BBS9: variants seen among roughly 807,000 people sequenced by gnomAD.
BBS9 encodes the protein protein PTHB1.
A neutral mutation model predicts 117.7 loss-of-function variants in BBS9; 89 were observed. The observed-to-expected ratio is 0.76, with a 90% confidence interval of 0.64 to 0.90. The LOEUF is 0.90. Ranked by LOEUF, BBS9 falls within the 40% of genes least tolerant of loss-of-function variation. BBS9 has a pLI of 0.00. For missense variants in BBS9, 982 were observed against 1,042.2 expected (o/e 0.94, Z 0.80); for synonymous variants, 379 against 370.9 (o/e 1.02, Z -0.25).
chr7:33,133,737 T>G (rs757071854), intron 1 of BBS9, among the ~76,000 whole-genome samples: 2 of 152,228 alleles, frequency 1.3e-5, no homozygotes, highest in African/African-American at 4.8e-5. Context: ...ATTTTAGATA[T>G]TATGAATAAT....
At chr7:33,328,851 A>C (rs17170187) in intron 9 of BBS9, among the ~76,000 whole-genome samples, 2 of 151,904 alleles carry the variant, frequency 1.3e-5, no homozygotes, top group Non-Finnish European at 2.9e-5. Flanking sequence ...CATTTTATAG[A>C]TTGGCTTTGT....
At chr7:33,273,717 A>G (rs900274827) in intron 8 of BBS9, 110 bp from the exon 9 acceptor site, 4 of 976,138 alleles carry the variant, frequency 4.1e-6, no homozygotes, top group African/African-American at 1.6e-5. Context: ...ATCTTTATGT[A>G]TTAAAATCCA....
chr7:33,461,599 A>G (rs1419920), intron 19 of BBS9, among the ~76,000 whole-genome samples: 33,861 of 151,800 alleles, frequency 0.22, 5,076 homozygotes, highest in African/African-American at 0.43. Flanking sequence ...TCCCTAAGAT[A>G]GCAGAAGTCA....
At chr7:33,506,866 C>T (rs1846218804) in intron 20 of BBS9, among the ~76,000 whole-genome samples, 1 of 152,176 alleles carries the variant, frequency 6.6e-6, no homozygotes, top group African/African-American at 2.4e-5. Context: ...CTTTGAGAAA[C>T]TAGAAATGGA....
chr7:33,350,358 A>C (rs1481245064), intron 13 of BBS9, among the ~76,000 whole-genome samples: 1 of 119,218 alleles, frequency 8.4e-6, no homozygotes, highest in Non-Finnish European at 1.9e-5. Context: ...CCAGCCATTG[A>C]ACTTTTGCTT....
chr7:33,383,595 G>A (rs1321083603), intron 17 of BBS9, 71 bp from the exon 18 acceptor site: 16 of 1,333,324 alleles, frequency 1.2e-5, no homozygotes, highest in Non-Finnish European at 1.6e-5. Flanking sequence ...GTCAGGATTA[G>A]TGATAGTTCA....
intron 19 of BBS9, among the ~76,000 whole-genome samples, chr7:33,389,714 A>T (rs1183300698): frequency 7.5e-6 from 1 of 133,710 alleles, no homozygotes; most frequent in African/African-American, 2.7e-5. Flanking sequence ...AAAAAAAAAA[A>T]ATTCATGGTT....
chr7:33,596,393 A>ATCTATCTATCTATC (rs768230309), intron 21 of BBS9, among the ~76,000 whole-genome samples: 1 of 150,662 alleles, frequency 6.6e-6, no homozygotes, highest in South Asian at 2.1e-4. Context: ...CTATCTATCT[A>ATCTATCTATCTATC]TATATAATTA....
At chr7:33,633,833 G>T (rs1585515390) in intron 21 of BBS9, among the ~76,000 whole-genome samples, 1 of 152,156 alleles carries the variant, frequency 6.6e-6, no homozygotes, top group Admixed American at 6.5e-5. Context: ...CCTTTCCTCT[G>T]TGTGAGTTGG....
chr7:33,520,962 G>C (rs1174288125), intron 20 of BBS9, among the ~76,000 whole-genome samples: 1 of 152,098 alleles, frequency 6.6e-6, no homozygotes, highest in African/African-American at 2.4e-5. Flanking sequence ...CTTTCCCCTG[G>C]ATTTGCATTA....
Position 33,357,903 on chromosome 7 carries a change from T to G in BBS9, c.1601T>G (p.Ile534Ser). 1 of 1,612,186 alleles carries G rather than the reference T, an allele frequency of 6.2e-7. No homozygotes were observed. Among genetic ancestry groups the G allele is most frequent in the East Asian group, 2.2e-5 (1 of 44,806 alleles). The change falls in exon 16 of 23, where the codon ATT (isoleucine) becomes AGT (serine). Residue 534 changes from isoleucine to serine, a missense_variant. By Grantham distance (142) the Ile-to-Ser change is moderately radical. Transcript: ENST00000242067. Reference protein sequence around the residue: ...QCKFRLPLKLICLPGQPSKTA... With the variant: ...QCKFRLPLKLSCLPGQPSKTA... ...AAATTTAGACTTCCCCTAAAGTTAA[T>G]TTGCCTACCAGGTCAGCCTTCAAAA... is the stretch of plus-strand genomic sequence containing the variant.
chr7:33,542,920 A>ATACT (rs1852626924), intron 21 of BBS9, among the ~76,000 whole-genome samples: 2 of 152,094 alleles, frequency 1.3e-5, no homozygotes, highest in African/African-American at 4.8e-5. Flanking sequence ...TGCTATAAAC[A>ATACT]TGCATGTGCA....
intron 7 of BBS9, among the ~76,000 whole-genome samples, chr7:33,270,169 G>A (rs1799555660): frequency 6.6e-6 from 1 of 152,034 alleles, no homozygotes; most frequent in South Asian, 2.1e-4. Context: ...CTTGCAGAAA[G>A]CTTCAGCCCT....
At chr7:33,470,147 AGT>A (rs1328002246) in intron 19 of BBS9, among the ~76,000 whole-genome samples, 1 of 152,204 alleles carries the variant, frequency 6.6e-6, no homozygotes, top group East Asian at 1.9e-4. Context: ...GTCCTCAAGA[AGT>A]GCTTATTGTA....
chr7:33,440,676 C>T (rs1278970344), intron 19 of BBS9, among the ~76,000 whole-genome samples: 1 of 152,152 alleles, frequency 6.6e-6, no homozygotes, highest in Non-Finnish European at 1.5e-5. Flanking sequence ...TAAAAACGTA[C>T]TGAATCACAG....
At chr7:33,452,956 A>C (rs1245753590) in intron 19 of BBS9, among the ~76,000 whole-genome samples, 1 of 152,226 alleles carries the variant, frequency 6.6e-6, no homozygotes, top group Non-Finnish European at 1.5e-5. Flanking sequence ...CTGAGTCATC[A>C]AGAAAAGATT....
intron 9 of BBS9, among the ~76,000 whole-genome samples, chr7:33,290,897 C>T (rs1803914492): frequency 6.6e-6 from 1 of 151,982 alleles, no homozygotes; most frequent in Non-Finnish European, 1.5e-5. Flanking sequence ...TACATCTTTG[C>T]CAGAAATGGA....
chr7:33,309,609 G>A (rs895160706), intron 9 of BBS9, among the ~76,000 whole-genome samples: 11 of 152,156 alleles, frequency 7.2e-5, no homozygotes, highest in African/African-American at 2.7e-4. Context: ...AAGGGACCAG[G>A]TTTTTGAGAA....
At chr7:33,604,545 C>G (rs1191146889) in intron 21 of BBS9, among the ~76,000 whole-genome samples, 1 of 152,066 alleles carries the variant, frequency 6.6e-6, no homozygotes, top group African/African-American at 2.4e-5. Context: ...TGCCGAGGGG[C>G]CTTTATATTC....
Sources: gnomAD v4.1 joint callset for allele counts (sites outside exome capture counted in the v4.1 genomes callset) on GRCh38, gnomAD v4.1.1 for gene constraint, MANE v1.5 for transcripts, NCBI Gene and HGNC (gene_info 2026-07-23, HGNC 2026-07-21) for gene names.